Variants in VAC14 observed in about 807,000 individuals in gnomAD.
VAC14 encodes protein VAC14 homolog.
A neutral mutation model predicts 85.3 loss-of-function variants in VAC14; 47 were observed. The observed-to-expected ratio is 0.55, with a 90% CI of 0.44 to 0.70. The LOEUF is 0.70. Among genes scored for constraint, VAC14 ranks in the 30% least tolerant of loss-of-function variants. The probability of loss-of-function intolerance (pLI) is 0.00; values close to 1 mark genes in which losing one functional copy is unlikely to be tolerated. For missense variants in VAC14, 861 were observed against 1,004.3 expected (o/e 0.86, Z 1.93); for synonymous variants, 447 against 430.5 (o/e 1.04, Z -0.47).
chr16:70,736,268 C>T (rs1208976996), intron 13 of VAC14, among the ~76,000 whole-genome samples: 2 of 152,200 alleles, frequency 1.3e-5, no homozygotes, highest in African/African-American at 4.8e-5. Context: ...CGGAGCCTGC[C>T]GCACAGTCTG....
intron 14 of VAC14, among the ~76,000 whole-genome samples, chr16:70,703,021 C>T (rs1320353983): frequency 2.6e-5 from 4 of 152,234 alleles, no homozygotes; most frequent in African/African-American, 4.8e-5. Context: ...GAAGAATCGA[C>T]TTCCAGAACC....
intron 14 of VAC14, among the ~76,000 whole-genome samples, chr16:70,706,179 C>T (rs1183975174): frequency 3.9e-5 from 6 of 152,220 alleles, no homozygotes; most frequent in Non-Finnish European, 8.8e-5. Flanking sequence ...GGTCAGCGAT[C>T]GCTGTGCTCC....
At chr16:70,723,826 T>G (rs1025568555) in intron 14 of VAC14, among the ~76,000 whole-genome samples, 1 of 152,246 alleles carries the variant, frequency 6.6e-6, no homozygotes, top group Non-Finnish European at 1.5e-5. Context: ...ATGAGGGGTC[T>G]GACCACGTGT....
chr16:70,743,833 CT>C (rs1304215462), intron 13 of VAC14, among the ~76,000 whole-genome samples: 1 of 152,196 alleles, frequency 6.6e-6, no homozygotes, highest in Non-Finnish European at 1.5e-5. Flanking sequence ...TTTTCCAGGA[CT>C]GCATTGCCAG....
intron 1 of VAC14, among the ~76,000 whole-genome samples, chr16:70,794,546 C>G (rs2034466086): frequency 6.6e-6 from 1 of 152,212 alleles, no homozygotes; most frequent in Non-Finnish European, 1.5e-5. Flanking sequence ...GGAGGTAAAA[C>G]AGGCTCTGGT....
chr16:70,794,309 G>A (rs775865663), intron 1 of VAC14, among the ~76,000 whole-genome samples: 1 of 152,118 alleles, frequency 6.6e-6, no homozygotes, highest in Non-Finnish European at 1.5e-5. Flanking sequence ...CCGCGCCCTA[G>A]GCAAGCCCGA....
At position 70,731,527 on chromosome 16, in the gene VAC14, C is replaced by G. The variant is rs1200710758; in HGVS notation, c.1629G>C (p.Lys543Asn). ...TGAAAGGGCCTCTGACCTCCAGGAG[C>G]TTCCGTTCGCTGCTGAATCTCTTGA... ...NLLKRFSSERKLLEVRGPFII... is the reference protein window; with the variant it reads ...NLLKRFSSERNLLEVRGPFII... Residue 543 changes from lysine (K) to asparagine (N), a missense_variant, in exon 14 of 19, where the codon AAG becomes AAC. Coordinates refer to ENST00000261776, the MANE Select transcript of VAC14 (RefSeq NM_018052.5). 2.5e-6 allele frequency: 4 copies of G among 1,614,006 alleles called. No homozygotes were observed. The highest frequency in any genetic ancestry group is 1.7e-5 in the Admixed American group (1 of 60,008).
At chr16:70,736,575 A>T (rs1438415734) in intron 13 of VAC14, among the ~76,000 whole-genome samples, 1 of 152,040 alleles carries the variant, frequency 6.6e-6, no homozygotes, top group African/African-American at 2.4e-5. Flanking sequence ...TCTGGACACA[A>T]CTCTGAACTC....
At chr16:70,757,329 G>C (rs1179156122) in intron 12 of VAC14, among the ~76,000 whole-genome samples, 1 of 152,222 alleles carries the variant, frequency 6.6e-6, no homozygotes, top group Non-Finnish European at 1.5e-5. Context: ...CTGGACTCAG[G>C]GCGGCCAGCT....
At chr16:70,705,241 C>G (rs916405141) in intron 14 of VAC14, among the ~76,000 whole-genome samples, 7 of 152,116 alleles carry the variant, frequency 4.6e-5, no homozygotes, top group African/African-American at 1.7e-4. Context: ...TTGGGCCTGG[C>G]TTCTTAAGAG....
At chr16:70,742,372 T>G (rs1407503087) in intron 13 of VAC14, among the ~76,000 whole-genome samples, 1 of 147,168 alleles carries the variant, frequency 6.8e-6, no homozygotes, top group African/African-American at 2.5e-5. Context: ...TCCTTTTCTC[T>G]CTTCCTTTCC....
chr16:70,750,194 C>A (rs2143017370), intron 12 of VAC14, among the ~76,000 whole-genome samples: 1 of 152,352 alleles, frequency 6.6e-6, no homozygotes, highest in South Asian at 2.1e-4. Context: ...GGAAAACAGA[C>A]CTAGTCCTCC....
At chr16:70,702,535 T>G (rs946096776) in intron 14 of VAC14, among the ~76,000 whole-genome samples, 7 of 152,088 alleles carry the variant, frequency 4.6e-5, no homozygotes, top group African/African-American at 1.7e-4. Flanking sequence ...CGGAGGGGCC[T>G]CCACTGAGGA....
At chr16:70,795,364 G>A (rs1032150465) in intron 1 of VAC14, among the ~76,000 whole-genome samples, 8 of 151,784 alleles carry the variant, frequency 5.3e-5, no homozygotes, top group Admixed American at 2.6e-4. Context: ...CGTTGTGGTG[G>A]GCGCCTGTAG....
chr16:70,717,997 T>C (rs1012714741), intron 14 of VAC14, among the ~76,000 whole-genome samples: 55 of 152,258 alleles, frequency 3.6e-4, no homozygotes, highest in Admixed American at 1.6e-3. Context: ...CTCTTACTCT[T>C]CTCTAGAAAC....
At chr16:70,692,054 C>G in intron 18 of VAC14, 1 of 983,662 alleles carries the variant, frequency 1.0e-6, no homozygotes, top group Non-Finnish European at 1.2e-6. Context: ...GGCGACCTGA[C>G]AAGTGAAATT....
In VAC14 at chr16:70,740,410, TG is replaced by T. The variant is rs553461925; in HGVS notation, c.1528+4012del. Among the ~76,000 whole-genome samples the T allele has an allele frequency of 1.6e-3, 240 of 152,288 alleles. 1 individual carries two copies. The highest frequency in any genetic ancestry group is 5.4e-3 in the African/African-American group (223 of 41,550). ...ATGGCTAAGGATCCTAAAGGCTGAT[TG>T]GGTCTCCCCAGGCCTGGCTGCACCC... On this transcript the variant is annotated intron_variant, in intron 13 of 18. Coordinates refer to ENST00000261776, the MANE Select transcript of VAC14 (RefSeq NM_018052.5).
chr16:70,720,133 G>C (rs756307942), intron 14 of VAC14, among the ~76,000 whole-genome samples: 1 of 152,148 alleles, frequency 6.6e-6, no homozygotes, highest in Non-Finnish European at 1.5e-5. Flanking sequence ...TCAAAACCAG[G>C]CAAGATGAAC....
chr16:70,783,533 G>A lies in VAC14; in HGVS notation c.616C>T (p.Pro206Ser). The A allele has an allele frequency of 1.3e-5, 21 of 1,613,874 alleles. No homozygotes were observed. Among genetic ancestry groups the A allele is most frequent in the Non-Finnish European group, 1.7e-5 (20 of 1,180,036 alleles). Reference sequence around the variant, plus strand: ...AGGTAATCCAGCAGGTTAATGTCTGGCACCGACTCCAGAACCAGGATCTGA... The same window carrying A: ...AGGTAATCCAGCAGGTTAATGTCTGACACCGACTCCAGAACCAGGATCTGA... ...ISWILVLESV[P>S]DINLLDYLPE... is the part of the protein sequence containing the mutation. Residue 206 changes from proline to serine, a missense_variant, in exon 6 of 19, where the codon CCA becomes TCA. Around this residue, in one of 3 missense-constraint regions of VAC14, gnomAD observed 629 missense variants for 703.1 expected, o/e 0.89. Coordinates refer to ENST00000261776, the MANE Select transcript of VAC14 (RefSeq NM_018052.5).
Sources: allele counts gnomAD v4.1 joint callset (sites outside exome capture counted in the v4.1 genomes callset), GRCh38; gene constraint gnomAD v4.1.1; regional missense constraint gnomAD v4.1.1; transcripts MANE v1.5; gene names NCBI Gene and HGNC (gene_info 2026-07-23, HGNC 2026-07-21).